Variants in FNBP1L observed in about 807,000 individuals in gnomAD.
FNBP1L encodes formin binding protein 1 like.
A neutral mutation model predicts 91.2 loss-of-function variants in FNBP1L; 36 were observed. The observed-to-expected ratio is 0.39, with a 90% CI of 0.30 to 0.52. The LOEUF (loss-of-function observed/expected upper bound fraction) is 0.52. Among genes scored for constraint, FNBP1L ranks in the 20% least tolerant of loss-of-function variants. The pLI is 0.66. For synonymous variants in FNBP1L, 242 were observed against 237.0 expected (o/e 1.02, Z -0.19); for missense variants, 571 against 732.1 (o/e 0.78, Z 2.54).
rs35709316 is a variant in FNBP1L, at chr1:93,525,068, C to CA, written c.405+759dup. Among the ~76,000 whole-genome samples the CA allele has an allele frequency of 2.4e-3, 329 of 135,858 alleles. 1 individual carries two copies. Among genetic ancestry groups the CA allele is most frequent in the East Asian group, 9.5e-3 (46 of 4,848 alleles). The allele number at this position is 135,858 out of a possible 152,430, so 89.1% of individuals were successfully genotyped here. ...ATAATCTGTGTCATGGGATTAGAGT[C>CA]AAAAAAAAAAAAAAGCTCTATTAAA... On this transcript the variant is annotated intron_variant, in intron 5 of 16. Coordinates refer to ENST00000271234, the MANE Select transcript of FNBP1L (RefSeq NM_001164473.3).
intron 1 of FNBP1L, among the ~76,000 whole-genome samples, chr1:93,483,540 T>C (rs1669790989): frequency 6.6e-6 from 1 of 152,212 alleles, no homozygotes; most frequent in South Asian, 2.1e-4. Flanking sequence ...ATTGACTACA[T>C]TAATCATAAT....
chr1:93,457,207 A>G lies in FNBP1L; in HGVS notation c.24+8902A>G, dbSNP rs145955577. ...ACCTCCAACCACTATTCTGAATTGTATCACCATTGATTACTTTTGTAGGTT... is the reference window on the plus strand; with the variant it reads ...ACCTCCAACCACTATTCTGAATTGTGTCACCATTGATTACTTTTGTAGGTT... On this transcript the variant is annotated intron_variant, in intron 1 of 16. Coordinates refer to ENST00000271234, the MANE Select transcript of FNBP1L (RefSeq NM_001164473.3). Among the ~76,000 whole-genome samples the G allele has an allele frequency of 1.9e-3, 291 of 152,344 alleles. 2 individuals are homozygous for G. The highest frequency in any genetic ancestry group is 6.7e-3 in the African/African-American group (280 of 41,576).
chr1:93,550,304 C>A (rs1018745141), intron 15 of FNBP1L, among the ~76,000 whole-genome samples: 2 of 152,146 alleles, frequency 1.3e-5, no homozygotes, highest in South Asian at 2.1e-4. Flanking sequence ...GGCAGTAAGA[C>A]CCTATCTCTA....
intron 1 of FNBP1L, among the ~76,000 whole-genome samples, chr1:93,487,194 A>G (rs1669940302): frequency 6.6e-6 from 1 of 152,232 alleles, no homozygotes; most frequent in Non-Finnish European, 1.5e-5. Context: ...TTGAAATAAT[A>G]CATTATTCAT....
intron 7 of FNBP1L, among the ~76,000 whole-genome samples, chr1:93,532,282 C>T (rs1450794867): frequency 6.6e-6 from 1 of 152,016 alleles, no homozygotes; most frequent in Non-Finnish European, 1.5e-5. Flanking sequence ...TCCTGGCCAA[C>T]ATGGTGAAAC....
chr1:93,525,759 C>T (rs1671472240), intron 5 of FNBP1L, among the ~76,000 whole-genome samples: 2 of 152,088 alleles, frequency 1.3e-5, no homozygotes, highest in South Asian at 4.1e-4. Flanking sequence ...ATTAACAATG[C>T]TATAAAAAAA....
At chr1:93,510,569 A>G (rs1670797046) in intron 2 of FNBP1L, among the ~76,000 whole-genome samples, 2 of 152,220 alleles carry the variant, frequency 1.3e-5, no homozygotes, top group Non-Finnish European at 2.9e-5. Context: ...CTCCAAAGGA[A>G]CACAGTTCCT....
chr1:93,480,380 A>G (rs935701081), intron 1 of FNBP1L, among the ~76,000 whole-genome samples: 4 of 152,230 alleles, frequency 2.6e-5, no homozygotes, highest in Non-Finnish European at 5.9e-5. Context: ...TAACTTTCAC[A>G]AATGACTTAA....
At chr1:93,477,499 G>T (rs1471262303) in intron 1 of FNBP1L, among the ~76,000 whole-genome samples, 1 of 152,198 alleles carries the variant, frequency 6.6e-6, no homozygotes, top group Non-Finnish European at 1.5e-5. Flanking sequence ...ATAGTAGCTT[G>T]TATATGTTCA....
intron 5 of FNBP1L, among the ~76,000 whole-genome samples, chr1:93,526,158 A>C (rs1671485804): frequency 6.6e-6 from 1 of 152,170 alleles, no homozygotes; most frequent in African/African-American, 2.4e-5. Flanking sequence ...GAGCCTGTAA[A>C]GGAGGTATTA....
intron 5 of FNBP1L, among the ~76,000 whole-genome samples, chr1:93,527,531 T>A (rs1459936647): frequency 6.6e-6 from 1 of 152,144 alleles, no homozygotes; most frequent in African/African-American, 2.4e-5. Context: ...AGAGCACAGG[T>A]TGCAAGGTGC....
At chr1:93,459,978 T>TGTGTGTGTGTGTGTGTGTGTG (rs1557774003) in intron 1 of FNBP1L, among the ~76,000 whole-genome samples, 1 of 125,646 alleles carries the variant, frequency 8.0e-6, no homozygotes, top group Non-Finnish European at 1.8e-5. Context: ...TGTGTGTGTG[T>TGTGTGTGTGTGTGTGTGTGTG]TTTTGGGATA....
Position 93,523,626 on chromosome 1 carries a change from T to C in FNBP1L, c.342+135T>C, listed in dbSNP as rs542217016. The C allele has an allele frequency of 2.1e-5, 19 of 911,686 alleles. No homozygotes were observed. In the East Asian group the frequency reaches 5.4e-4, roughly 26 times the overall value. The allele number at this position is 911,686 out of a possible 1,614,324, so 56.5% of individuals were successfully genotyped here. On this transcript the variant is annotated intron_variant, in intron 4 of 16. Transcript: ENST00000271234. Reference sequence around the variant, plus strand: ...CTACATTTCTTCTAGCTAAAAATTATCACAAAATACTCTTGCTAATTTATG... The same window carrying C: ...CTACATTTCTTCTAGCTAAAAATTACCACAAAATACTCTTGCTAATTTATG...
chr1:93,523,559 C>T (rs1671401456), intron 4 of FNBP1L, 68 bp downstream of exon 4: 1 of 1,414,326 alleles, frequency 7.1e-7, no homozygotes, highest in Non-Finnish European at 9.5e-7. Flanking sequence ...ACTTTGTTTT[C>T]TTTAAAATGT....
At position 93,529,743 on chromosome 1, in the gene FNBP1L, C is replaced by A; in HGVS notation, c.497C>A (p.Ala166Glu). 1 of 1,513,022 alleles carries A rather than the reference C, an allele frequency of 6.6e-7. No individual in the cohort carries two copies. Among genetic ancestry groups the A allele is most frequent in the Non-Finnish European group, 8.8e-7 (1 of 1,133,058 alleles). 93.7% of individuals were successfully genotyped at this position (1,513,022 alleles called of 1,614,324 possible). Residue 166 changes from alanine to glutamate, a missense_variant, in exon 6 of 17, where the codon GCA (alanine) becomes GAA (glutamate). Physicochemically the swap from Ala to Glu is moderately radical, Grantham distance 107. Coordinates refer to ENST00000271234, the MANE Select transcript of FNBP1L (RefSeq NM_001164473.3). ...RLDNDTNATK[A>E]DVEKAKQQLN... is the part of the protein sequence containing the mutation. ...GATAATGATACTAATGCAACCAAGG[C>A]AGATGTTGAAAAGGTAAGAAATACT... is the stretch of plus-strand genomic sequence containing the variant.
intron 1 of FNBP1L, among the ~76,000 whole-genome samples, chr1:93,471,645 T>C (rs1669291460): frequency 6.6e-6 from 1 of 152,218 alleles, no homozygotes; most frequent in East Asian, 1.9e-4. Context: ...TGAGCTGTGA[T>C]TGCACCACTG....
At chr1:93,452,564 T>C (rs1363404583) in intron 1 of FNBP1L, among the ~76,000 whole-genome samples, 1 of 152,206 alleles carries the variant, frequency 6.6e-6, no homozygotes, top group African/African-American at 2.4e-5. Flanking sequence ...GAATTGGGTC[T>C]CATAGTCTAC....
At chr1:93,480,124 T>C (rs2554841) in intron 1 of FNBP1L, among the ~76,000 whole-genome samples, 146,835 of 152,256 alleles carry the variant, frequency 0.96, 71,010 homozygotes, top group Non-Finnish European at 1. Context: ...CTGGTCCCTC[T>C]GTTAGGGGTC....
chr1:93,484,825 G>T lies in FNBP1L; in HGVS notation c.25-14643G>T, dbSNP rs371212457. Reference sequence around the variant, plus strand: ...GTTTGAGATGTTGGGAGGCAGAGCAGTGCTGAACAATAGAGAGGCTAATGT... The same window carrying T: ...GTTTGAGATGTTGGGAGGCAGAGCATTGCTGAACAATAGAGAGGCTAATGT... On this transcript the variant is annotated intron_variant, in intron 1 of 16. Coordinates refer to ENST00000271234, the MANE Select transcript of FNBP1L (RefSeq NM_001164473.3). Among the ~76,000 whole-genome samples, 17 of 152,338 alleles carry T rather than the reference G, an allele frequency of 1.1e-4. No individual in the cohort carries two copies. The South Asian group carries it at 3.3e-3, about 30-fold the overall frequency.
Sources: gnomAD v4.1 joint callset for allele counts (sites outside exome capture counted in the v4.1 genomes callset) on GRCh38, gnomAD v4.1.1 for gene constraint, MANE v1.5 for transcripts, NCBI Gene and HGNC (gene_info 2026-07-23, HGNC 2026-07-21) for gene names.